Variants in UBE2K observed in about 807,000 individuals in gnomAD.
UBE2K encodes the protein ubiquitin conjugating enzyme E2 K.
UBE2K carries 6 observed loss-of-function variants against 30.0 expected under a neutral mutation model. The observed-to-expected ratio is 0.20, with a 90% confidence interval of 0.11 to 0.39. UBE2K has a LOEUF of 0.39. UBE2K is among the 10% of genes least tolerant of loss of function. The pLI is 1.00. For missense variants in UBE2K, 61 were observed against 241.6 expected (o/e 0.25, Z 4.96); for synonymous variants, 86 against 83.7 (o/e 1.03, Z -0.15).
intron 1 of UBE2K, among the ~76,000 whole-genome samples, chr4:39,736,462 C>CA (rs770407410): frequency 6.6e-6 from 1 of 151,724 alleles, no homozygotes; most frequent in African/African-American, 2.4e-5. Context: ...GACTCCGTCT[C>CA]AAAAAAAGGA....
At chr4:39,723,844 C>G (rs1719572324) in intron 1 of UBE2K, among the ~76,000 whole-genome samples, 2 of 152,210 alleles carry the variant, frequency 1.3e-5, no homozygotes, top group South Asian at 4.1e-4. Flanking sequence ...CAGAGTTTCT[C>G]TCTTGTTGCG....
At chr4:39,770,472 A>T in intron 4 of UBE2K, 2 of 1,611,072 alleles carry the variant, frequency 1.2e-6, no homozygotes, top group Non-Finnish European at 1.7e-6. Context: ...GATGTTCTTT[A>T]AGGGGTTTCC....
At position 39,778,341 on chromosome 4, in the gene UBE2K, C is replaced by G. The variant is rs1027597464; in HGVS notation, c.529-19C>G. 3 of 1,532,810 alleles carry G rather than the reference C, an allele frequency of 2.0e-6. No individual in the cohort carries two copies. Among genetic ancestry groups the G allele is most frequent in the Non-Finnish European group, 2.7e-6 (3 of 1,111,248 alleles). The allele number at this position is 1,532,810 out of a possible 1,614,324, so 95.0% of individuals were successfully genotyped here. A position where few individuals can be genotyped will look rare whatever the true frequency, so the allele number is the denominator to read the frequency against. On this transcript the variant is annotated intron_variant, in intron 6 of 6. Coordinates refer to ENST00000261427, the MANE Select transcript of UBE2K (RefSeq NM_005339.5). The stretch of plus-strand genomic sequence containing the variant: ...GTTTCCTTGAGATTTAATTTCCTGT[C>G]CCCTTTTCTTCTCTACAGAATGCAG...
chr4:39,773,489 A>G (rs1183010269), intron 4 of UBE2K, among the ~76,000 whole-genome samples: 2 of 151,994 alleles, frequency 1.3e-5, no homozygotes, highest in Admixed American at 6.5e-5. Flanking sequence ...AGAAAAGAAA[A>G]AAGAAAATAT....
At chr4:39,746,466 A>G (rs1162936643) in intron 3 of UBE2K, among the ~76,000 whole-genome samples, 1 of 152,112 alleles carries the variant, frequency 6.6e-6, no homozygotes. Flanking sequence ...CTATTATTTA[A>G]TCACCCTTCC....
intron 1 of UBE2K, among the ~76,000 whole-genome samples, chr4:39,721,897 T>C (rs959463175): frequency 1.3e-5 from 2 of 152,074 alleles, no homozygotes; most frequent in African/African-American, 4.8e-5. Context: ...GAGACCAGTC[T>C]GGACAACATG....
At chr4:39,702,252 T>TTTTTGACGGGG (rs1718070425) in intron 1 of UBE2K, among the ~76,000 whole-genome samples, 1 of 49,722 alleles carries the variant, frequency 2.0e-5, no homozygotes, top group Non-Finnish European at 3.4e-5. Flanking sequence ...TTTTTTTTTT[T>TTTTTGACGGGG]TTTTTTTTTT....
At chr4:39,734,332 CCCAA>C (rs1305582935) in intron 1 of UBE2K, among the ~76,000 whole-genome samples, 7 of 152,180 alleles carry the variant, frequency 4.6e-5, no homozygotes, top group Admixed American at 4.6e-4. Context: ...GCCTTGGCCT[CCCAA>C]ACTGTTGGGA....
chr4:39,728,945 G>A (rs918427942), intron 1 of UBE2K, among the ~76,000 whole-genome samples: 1 of 150,964 alleles, frequency 6.6e-6, no homozygotes. Flanking sequence ...GGGATTACAG[G>A]CGTGAGCCAC....
intron 1 of UBE2K, among the ~76,000 whole-genome samples, chr4:39,726,805 T>C (rs1719778060): frequency 6.6e-6 from 1 of 151,766 alleles, no homozygotes; most frequent in Admixed American, 6.6e-5. Flanking sequence ...CCATGTTGGT[T>C]AGGCTGGTCT....
At chr4:39,746,571 G>A (rs1207570574) in intron 3 of UBE2K, among the ~76,000 whole-genome samples, 2 of 152,108 alleles carry the variant, frequency 1.3e-5, no homozygotes. Flanking sequence ...CCTGAATAAA[G>A]TCTAAACTCC....
chr4:39,760,196 A>AAAAAAAAAAAAAAAAAAAAAAAAAAAAG (rs1711827460), intron 4 of UBE2K, among the ~76,000 whole-genome samples: 2 of 7,918 alleles, frequency 2.5e-4, no homozygotes, highest in African/African-American at 8.8e-4. Flanking sequence ...AAAAAAACAG[A>AAAAAAAAAAAAAAAAAAAAAAAAAAAAG]AAAAAAAAAA....
At chr4:39,748,125 G>A (rs148866366) in intron 3 of UBE2K, among the ~76,000 whole-genome samples, 199 of 152,282 alleles carry the variant, frequency 1.3e-3, no homozygotes, top group African/African-American at 4.4e-3. Flanking sequence ...GTGTATAATA[G>A]CTTCAAAGTA....
chr4:39,718,271 A>G (rs1719215859), intron 1 of UBE2K, among the ~76,000 whole-genome samples: 1 of 152,198 alleles, frequency 6.6e-6, no homozygotes, highest in South Asian at 2.1e-4. Context: ...TCTCTAGATT[A>G]GCTAGATACA....
At chr4:39,702,577 G>A (rs652162) in intron 1 of UBE2K, among the ~76,000 whole-genome samples, 25,563 of 151,910 alleles carry the variant, frequency 0.17, 4,142 homozygotes, top group African/African-American at 0.43. Flanking sequence ...CTCATAGGGC[G>A]TGTTTAAATC....
intron 1 of UBE2K, among the ~76,000 whole-genome samples, chr4:39,712,986 C>G (rs187422590): frequency 1.8e-4 from 28 of 152,058 alleles, no homozygotes; most frequent in Admixed American, 5.2e-4. Context: ...CTGCCTCAGC[C>G]TGCCAAGTAG....
intron 3 of UBE2K, among the ~76,000 whole-genome samples, chr4:39,753,348 T>G (rs1475368450): frequency 6.7e-6 from 1 of 148,694 alleles, no homozygotes; most frequent in Non-Finnish European, 1.5e-5. Flanking sequence ...AGACCTTCTC[T>G]GGGGGGGAAA....
At chr4:39,717,313 A>T (rs947763688) in intron 1 of UBE2K, among the ~76,000 whole-genome samples, 14 of 149,786 alleles carry the variant, frequency 9.3e-5, no homozygotes, top group African/African-American at 3.5e-4. Flanking sequence ...GGCTCATTGC[A>T]ACCTCCATCT....
chr4:39,761,882 A>G (rs1553879540), intron 4 of UBE2K, among the ~76,000 whole-genome samples: 1 of 151,458 alleles, frequency 6.6e-6, no homozygotes, highest in South Asian at 2.1e-4. Context: ...TTAAAGTTTT[A>G]GGCCGGTTGC....
Sources: gnomAD v4.1 joint callset for allele counts (sites outside exome capture counted in the v4.1 genomes callset) on GRCh38, gnomAD v4.1.1 for gene constraint, MANE v1.5 for transcripts, NCBI Gene and HGNC (gene_info 2026-07-23, HGNC 2026-07-21) for gene names.